The following PABPC4L variants were observed in gnomAD, a reference collection of about 807,000 sequenced individuals.
The protein encoded by PABPC4L is polyadenylate-binding protein 4-like.
For synonymous variants in PABPC4L, 169 were observed against 164.1 expected, an observed-to-expected ratio of 1.03 and a Z score of -0.23; for missense variants, 452 against 451.4, an observed-to-expected ratio of 1.00 and a Z score of -0.01.
chr4:134,195,974 A>C (rs1180561710), downstream of PABPC4L, among the ~76,000 whole-genome samples: 3 of 151,272 alleles, frequency 2.0e-5, no homozygotes, highest in Non-Finnish European at 4.4e-5. Context: ...TTTTTACTCT[A>C]TTGTTTTATT....
At chr4:134,087,336 T>A in the PABPC4L span, among the ~76,000 whole-genome samples, 1 of 152,116 alleles carries the variant, frequency 6.6e-6, no homozygotes, top group Non-Finnish European at 1.5e-5. Flanking sequence ...TTGAAAGTCT[T>A]GTATTCATTT....
chr4:134,140,986 G>T, the PABPC4L span, among the ~76,000 whole-genome samples: 1 of 151,688 alleles, frequency 6.6e-6, no homozygotes, highest in African/African-American at 2.4e-5. Flanking sequence ...TTGAAAATTT[G>T]CAGTAAAACA....
At chr4:133,976,082 A>T in the PABPC4L span, among the ~76,000 whole-genome samples, 1 of 152,104 alleles carries the variant, frequency 6.6e-6, no homozygotes, top group African/African-American at 2.4e-5. Context: ...AGCAAGCATT[A>T]GCTATGTTTC....
chr4:133,962,437 A>G, the PABPC4L span, among the ~76,000 whole-genome samples: 1 of 152,242 alleles, frequency 6.6e-6, no homozygotes, highest in East Asian at 1.9e-4. Flanking sequence ...ATAAAGAAAA[A>G]ACAATAAAAA....
chr4:134,059,702 G>A, the PABPC4L span, among the ~76,000 whole-genome samples: 1 of 151,520 alleles, frequency 6.6e-6, no homozygotes, highest in Non-Finnish European at 1.5e-5. Context: ...CAATATTCAG[G>A]AAGTCCCCTG....
At chr4:134,057,397 G>A in the PABPC4L span, among the ~76,000 whole-genome samples, 2 of 152,016 alleles carry the variant, frequency 1.3e-5, no homozygotes, top group Non-Finnish European at 2.9e-5. Flanking sequence ...TGATGGCCTC[G>A]TTACCATTTT....
At chr4:134,111,447 C>T in the PABPC4L span, among the ~76,000 whole-genome samples, 4 of 151,864 alleles carry the variant, frequency 2.6e-5, no homozygotes, top group Non-Finnish European at 4.4e-5. Context: ...TACACACACA[C>T]ATGTGTATGT....
At chr4:134,031,808 G>A in the PABPC4L span, among the ~76,000 whole-genome samples, 4 of 151,834 alleles carry the variant, frequency 2.6e-5, no homozygotes, top group Admixed American at 6.6e-5. Flanking sequence ...CAATGGAGAA[G>A]ATCCTTAATA....
chr4:134,045,786 T>C, the PABPC4L span, among the ~76,000 whole-genome samples: 1 of 152,274 alleles, frequency 6.6e-6, no homozygotes, highest in African/African-American at 2.4e-5. Context: ...GCATGCTGAA[T>C]GTCTGGCACT....
chr4:134,200,921 C>A lies in PABPC4L; in HGVS notation c.99G>T (p.Val33=). 1 of 1,560,904 alleles carries A rather than the reference C, an allele frequency of 6.4e-7. No homozygotes were observed. Among genetic ancestry groups the A allele is most frequent in the East Asian group, 2.4e-5 (1 of 41,828 alleles). ...EDLLFRKFST[V]GPVLSIRICR... is the part of the protein sequence containing the mutation. Reference sequence around the variant, plus strand: ...AAATGCGGATGGACAGCACAGGCCCCACAGTGCTGAACTTCCTGAACAGCA... The same window carrying A: ...AAATGCGGATGGACAGCACAGGCCCAACAGTGCTGAACTTCCTGAACAGCA... Residue 33 remains valine (V), a synonymous_variant, in exon 2 of 2, where the codon GTG becomes GTT. Coordinates refer to ENST00000421491, the MANE Select transcript of PABPC4L (RefSeq NM_001114734.2).
downstream of PABPC4L, among the ~76,000 whole-genome samples, chr4:134,195,387 T>A (rs569738849): frequency 6.6e-6 from 1 of 151,876 alleles, no homozygotes; most frequent in African/African-American, 2.4e-5. Flanking sequence ...AAAATTCCAC[T>A]GGAGATACTG....
chr4:134,080,541 C>CT, the PABPC4L span, among the ~76,000 whole-genome samples: 1 of 152,066 alleles, frequency 6.6e-6, no homozygotes, highest in African/African-American at 2.4e-5. Context: ...CAAATTAAGT[C>CT]TGAGATCTTT....
the PABPC4L span, among the ~76,000 whole-genome samples, chr4:134,029,153 A>G: frequency 2.0e-5 from 3 of 152,140 alleles, no homozygotes; most frequent in South Asian, 6.2e-4. Context: ...TGTTTTCAAT[A>G]TATTTAACAA....
Position 134,201,023 on chromosome 4 carries a change from C to G in PABPC4L, c.-4G>C, listed in dbSNP as rs1729857282. ...GGTACTTGGCTGCTACATTCATCTC[C>G]TTGTCCTTGCCACTGTGAGTTTGTC... On this transcript the variant is annotated 5_prime_UTR_variant, in exon 2 of 2. Transcript: ENST00000421491. 1.9e-6 allele frequency: 3 copies of G among 1,551,668 alleles called. No homozygotes were observed. The South Asian group carries it at 3.6e-5, about 18-fold the overall frequency.
chr4:133,996,758 C>T, the PABPC4L span, among the ~76,000 whole-genome samples: 12 of 152,196 alleles, frequency 7.9e-5, no homozygotes, highest in South Asian at 2.1e-4. Flanking sequence ...TGCTTAGCAC[C>T]GCCAATGACA....
the PABPC4L span, among the ~76,000 whole-genome samples, chr4:134,007,588 A>C: frequency 2.6e-5 from 4 of 151,780 alleles, no homozygotes; most frequent in East Asian, 7.8e-4. Context: ...CCTTCTCAAT[A>C]TCATAGATTC....
chr4:134,172,066 T>C, the PABPC4L span, among the ~76,000 whole-genome samples: 1 of 151,676 alleles, frequency 6.6e-6, no homozygotes, highest in South Asian at 2.1e-4. Flanking sequence ...ATAGGAAAAA[T>C]CAATATTGTT....
At chr4:134,163,989 C>A in the PABPC4L span, among the ~76,000 whole-genome samples, 1 of 152,022 alleles carries the variant, frequency 6.6e-6, no homozygotes, top group Non-Finnish European at 1.5e-5. Context: ...CTGGGCCAGG[C>A]GCGGTGGCTC....
the PABPC4L span, among the ~76,000 whole-genome samples, chr4:134,031,715 G>T: frequency 1.3e-5 from 2 of 151,882 alleles, no homozygotes; most frequent in African/African-American, 2.4e-5. Flanking sequence ...TCTAAAGCTG[G>T]TAGCATCTGC....
Sources: allele counts gnomAD v4.1 joint callset (sites outside exome capture counted in the v4.1 genomes callset), GRCh38; gene constraint gnomAD v4.1.1; transcripts MANE v1.5; gene names NCBI Gene and HGNC (gene_info 2026-07-23, HGNC 2026-07-21).